The following PDPN variants were observed in gnomAD, a reference collection of about 807,000 sequenced individuals.
PDPN encodes podoplanin.
In PDPN, 12 loss-of-function variants were observed where a neutral mutation model predicts 23.2. That is an observed-to-expected ratio of 0.52 (90% CI 0.33 to 0.84). The LOEUF (loss-of-function observed/expected upper bound fraction) is 0.84. PDPN is among the 40% of genes least tolerant of loss of function. The pLI is 0.02. For missense variants in PDPN, 199 were observed against 212.2 expected, an observed-to-expected ratio of 0.94 and a Z score of 0.39; for synonymous variants, 77 against 76.7, an observed-to-expected ratio of 1.00 and a Z score of -0.02.
At chr1:13,614,842 CAGA>C (rs780710638) in intron 5 of PDPN, 56 of 517,402 alleles carry the variant, frequency 1.1e-4, no homozygotes, top group Non-Finnish European at 1.9e-4. Context: ...GAAGTTTCCC[CAGA>C]AGGACAAATG....
At chr1:13,601,992 AT>A (rs1640652864) in intron 1 of PDPN, among the ~76,000 whole-genome samples, 1 of 106,126 alleles carries the variant, frequency 9.4e-6, no homozygotes, top group Non-Finnish European at 1.8e-5. Context: ...TGGGTGGCTC[AT>A]GCCTTTGGGT....
chr1:13,595,906 G>A (rs1358718250), intron 1 of PDPN: 16 of 1,285,188 alleles, frequency 1.2e-5, no homozygotes, highest in African/African-American at 3.0e-5. Context: ...TAATTTTAAA[G>A]AAGTGTTCCG....
intron 1 of PDPN, among the ~76,000 whole-genome samples, chr1:13,598,317 C>T (rs1386966953): frequency 6.6e-6 from 1 of 151,998 alleles, no homozygotes; most frequent in Non-Finnish European, 1.5e-5. Flanking sequence ...ATGCCTGTCC[C>T]GCATTTATTT....
At chr1:13,592,670 C>G (rs771861557) in intron 1 of PDPN, among the ~76,000 whole-genome samples, 116 of 151,942 alleles carry the variant, frequency 7.6e-4, no homozygotes, top group Admixed American at 4.4e-3. Flanking sequence ...CTGCCTCAGC[C>G]TCCGAGTAGC....
At chr1:13,588,406 C>T (rs536713475) in intron 1 of PDPN, among the ~76,000 whole-genome samples, 3 of 151,650 alleles carry the variant, frequency 2.0e-5, no homozygotes, top group Non-Finnish European at 2.9e-5. Flanking sequence ...TGTCTCCATC[C>T]GGGAGAACAG....
chr1:13,586,218 G>A (rs756428492), intron 1 of PDPN, among the ~76,000 whole-genome samples: 2 of 152,018 alleles, frequency 1.3e-5, no homozygotes, highest in Non-Finnish European at 2.9e-5. Context: ...TTAATCATGC[G>A]GCCAACAAAT....
At chr1:13,610,992 C>T (rs569605269) in intron 3 of PDPN, among the ~76,000 whole-genome samples, 7 of 152,300 alleles carry the variant, frequency 4.6e-5, no homozygotes, top group South Asian at 2.1e-4. Flanking sequence ...GAGGCTGAGG[C>T]GGGCGGATCA....
rs995265433 is a variant in PDPN, at chr1:13,615,915, G to A, written c.*4G>A. On this transcript the variant is annotated 3_prime_UTR_variant, in exon 6 of 6. Transcript: ENST00000621990. ...TCTCTATTTTCACAGGCCCTAAAGA[G>A]CTGAAGGGTTACGCCCTGCTGCCAA... 1.2e-6 allele frequency: 2 copies of A among 1,613,424 alleles called. No homozygotes were observed. Among genetic ancestry groups the A allele is most frequent in the African/African-American group, 1.3e-5 (1 of 74,888 alleles).
intron 1 of PDPN, among the ~76,000 whole-genome samples, chr1:13,596,312 G>A (rs978440524): frequency 6.6e-6 from 1 of 152,194 alleles, no homozygotes; most frequent in Non-Finnish European, 1.5e-5. Flanking sequence ...CTATGGGGCA[G>A]TGTGGACTTC....
At chr1:13,591,670 A>G (rs1240543575) in intron 1 of PDPN, among the ~76,000 whole-genome samples, 1 of 152,206 alleles carries the variant, frequency 6.6e-6, no homozygotes, top group Non-Finnish European at 1.5e-5. Flanking sequence ...CATCCATGTT[A>G]TAGCATGCAC....
At chr1:13,615,627 T>C (rs1445589698) in intron 5 of PDPN, among the ~76,000 whole-genome samples, 3 of 151,762 alleles carry the variant, frequency 2.0e-5, no homozygotes, top group African/African-American at 7.3e-5. Flanking sequence ...TGATATATGA[T>C]GGAAGGGAGG....
intron 1 of PDPN, among the ~76,000 whole-genome samples, chr1:13,604,148 A>ATG (rs1185747935): frequency 1.3e-5 from 2 of 152,020 alleles, no homozygotes; most frequent in African/African-American, 4.8e-5. Flanking sequence ...GCATCCCTGT[A>ATG]TGTGTGTGTG....
rs114837014 is a variant in PDPN at position 13,584,741 on chromosome 1, T to C, written c.67+641T>C. On this transcript the variant is annotated intron_variant, in intron 1 of 5. Coordinates refer to ENST00000621990, the MANE Select transcript of PDPN (RefSeq NM_006474.5). ...TGAGTGCATGAGGATTGTTACGCGT[T>C]ACGAACATTGAGGTTTAAGTGGGTT... Among the ~76,000 whole-genome samples, 785 of 152,344 alleles carry C rather than the reference T, an allele frequency of 5.2e-3. 1 individual carries two copies. Among genetic ancestry groups the C allele is most frequent in the Non-Finnish European group, 7.5e-3 (508 of 68,026 alleles).
At chr1:13,606,933 C>T (rs1640803091) in intron 1 of PDPN, among the ~76,000 whole-genome samples, 1 of 152,158 alleles carries the variant, frequency 6.6e-6, no homozygotes, top group Non-Finnish European at 1.5e-5. Flanking sequence ...GGCTGCTCTA[C>T]CTTTTAATGT....
At chr1:13,597,934 C>A (rs1640539490) in intron 1 of PDPN, among the ~76,000 whole-genome samples, 1 of 152,054 alleles carries the variant, frequency 6.6e-6, no homozygotes, top group Admixed American at 6.5e-5. Flanking sequence ...AAGATTGTGC[C>A]ACTGCACTCC....
chr1:13,597,553 T>C (rs1640529034), intron 1 of PDPN, among the ~76,000 whole-genome samples: 2 of 152,310 alleles, frequency 1.3e-5, no homozygotes, highest in East Asian at 1.9e-4. Context: ...CACGTCAAGA[T>C]GGAAACAGCA....
intron 1 of PDPN, 115 bp downstream of exon 1, chr1:13,584,215 G>A: frequency 6.6e-7 from 1 of 1,520,304 alleles, no homozygotes; most frequent in Non-Finnish European, 8.8e-7. Context: ...CGGGGGAGCT[G>A]AGGGTGTGTG....
chr1:13,586,624 G>C (rs1640185605), intron 1 of PDPN, among the ~76,000 whole-genome samples: 1 of 152,172 alleles, frequency 6.6e-6, no homozygotes, highest in Admixed American at 6.5e-5. Context: ...CCATGTGCTA[G>C]GAATATTGCT....
intron 1 of PDPN, among the ~76,000 whole-genome samples, chr1:13,605,428 G>A (rs1640758455): frequency 6.6e-6 from 1 of 152,226 alleles, no homozygotes; most frequent in African/African-American, 2.4e-5. Context: ...TAGGGAAGAA[G>A]CCCATGGCCA....
Sources: gnomAD v4.1 joint callset for allele counts (sites outside exome capture counted in the v4.1 genomes callset) on GRCh38, gnomAD v4.1.1 for gene constraint, MANE v1.5 for transcripts, NCBI Gene and HGNC (gene_info 2026-07-23, HGNC 2026-07-21) for gene names.